MACF1: variants seen among roughly 807,000 people sequenced by gnomAD.
MACF1 encodes the protein microtubule-actin cross-linking factor 1.
MACF1 carries 193 observed loss-of-function variants against 854.8 expected under a neutral mutation model. That is an observed-to-expected ratio of 0.23 (90% CI 0.20 to 0.25). The LOEUF is 0.25. Among genes scored for constraint, MACF1 ranks in the 10% least tolerant of loss-of-function variants. The probability of loss-of-function intolerance (pLI) is 1.00; values close to 1 mark genes in which losing one functional copy is unlikely to be tolerated. For missense variants in MACF1, 7,722 were observed against 8,929.1 expected (o/e 0.86, Z 5.45); for synonymous variants, 3,185 against 3,226.7 (o/e 0.99, Z 0.44).
At chr1:39,209,112 T>C (rs1644487430) in intron 1 of MACF1, among the ~76,000 whole-genome samples, 1 of 151,528 alleles carries the variant, frequency 6.6e-6, no homozygotes, top group Non-Finnish European at 1.5e-5. Context: ...ATTAGCAGGA[T>C]GTAGTGGCAC....
At chr1:39,297,595 G>T in intron 20 of MACF1, 25 bp from the exon 21 acceptor site, 2 of 1,613,740 alleles carry the variant, frequency 1.2e-6, no homozygotes, top group Non-Finnish European at 1.7e-6. Flanking sequence ...TGAGCAGAAG[G>T]CATCCTTACT....
At chr1:39,187,977 TCTCCCCTCCC>T (rs71057197) in intron 2 of MACF1, among the ~76,000 whole-genome samples, 20 of 118,474 alleles carry the variant, frequency 1.7e-4, no homozygotes, top group African/African-American at 6.8e-4. Flanking sequence ...TCTCCCCTCC[TCTCCCCTCCC>T]CTCCCCTCCC....
chr1:39,334,055 G>C lies in MACF1; in HGVS notation c.7467G>C (p.Leu2489Phe), dbSNP rs760729259. The C allele has an allele frequency of 6.2e-7, 1 of 1,614,126 alleles. No individual in the cohort carries two copies. The highest frequency in any genetic ancestry group is 2.2e-5 in the East Asian group (1 of 44,884). The change falls in exon 37 of 101, where the codon TTG (leucine) becomes TTC (phenylalanine). Residue 2489 changes from leucine (L) to phenylalanine (F), a missense_variant. This residue lies in a region of MACF1 where 1,531 missense variants were observed against 1,601.6 expected (regional missense o/e 0.96). Coordinates refer to ENST00000564288, the MANE Select transcript of MACF1 (RefSeq NM_001394062.1). ...TVVQSIDRGL[L>F]EREEAVRLLT... ...TGCAGTCCATTGACAGAGGTCTTTT[G>C]GAGAGAGAGGAGGCCGTTCGTTTGT...
In MACF1 at chr1:39,353,061, G is replaced by A. The variant is rs2148504838; in HGVS notation, c.11254G>A (p.Asp3752Asn). Residue 3752 changes from aspartate (D) to asparagine (N), a missense_variant, in exon 44 of 101, where the codon GAT (aspartate) becomes AAT (asparagine). Asp to Asn is a conservative substitution (Grantham distance 23, BLOSUM62 1). Around this residue, in one of 15 missense-constraint regions of MACF1, gnomAD observed 2,807 missense variants for 3,235.8 expected, o/e 0.87. Coordinates refer to ENST00000564288, the MANE Select transcript of MACF1 (RefSeq NM_001394062.1). Reference protein sequence around the residue: ...ENKKKIDALLDWVTSVGSSGG... With the variant: ...ENKKKIDALLNWVTSVGSSGG... ...CAAGAAGAAGATCGATGCTCTCCTG[G>A]ATTGGGTAACTTCAGTAGGATCATC... 6.2e-7 allele frequency: 1 copy of A among 1,614,102 alleles called. No homozygotes were observed. The highest frequency in any genetic ancestry group is 1.1e-5 in the South Asian group (1 of 91,080).
intron 52 of MACF1, among the ~76,000 whole-genome samples, chr1:39,375,982 CAT>C (rs1295377114): frequency 6.6e-6 from 1 of 152,202 alleles, no homozygotes; most frequent in Non-Finnish European, 1.5e-5. Context: ...ATGTATTACA[CAT>C]GTGCTATAGA....
intron 2 of MACF1, among the ~76,000 whole-genome samples, chr1:39,118,679 G>A (rs1294286445): frequency 6.6e-6 from 1 of 152,230 alleles, no homozygotes; most frequent in Admixed American, 6.5e-5. Flanking sequence ...GCATGAGTAT[G>A]TGGTCGTGAA....
chr1:39,331,402 A>G lies in MACF1; in HGVS notation c.4814A>G (p.Asn1605Ser). The G allele has an allele frequency of 1.9e-6, 3 of 1,613,914 alleles. No homozygotes were observed. The highest frequency in any genetic ancestry group is 1.7e-6 in the Non-Finnish European group (2 of 1,179,964). Residue 1605 changes from asparagine to serine, a missense_variant, in exon 37 of 101, where the codon AAT becomes AGT. Coordinates refer to ENST00000564288, the MANE Select transcript of MACF1 (RefSeq NM_001394062.1). ...LEEGIARNLI[N>S]PQMYQQLREL... The stretch of plus-strand genomic sequence containing the variant: ...GAGGGCATAGCCAGAAACCTCATTA[A>G]TCCCCAGATGTACCAGCAGCTCCGG...
rs551964737 is a variant in MACF1, at chr1:39,486,190, G to C, written c.*396G>C. ...TAAACTTGACTTGCTATCTCAGCAA[G>C]ATAAATTATATTAAAAAAATAAGAA... is the stretch of plus-strand genomic sequence containing the variant. On this transcript the variant is annotated 3_prime_UTR_variant, in exon 101 of 101. Transcript: ENST00000564288. 1 of 154,840 alleles carries C rather than the reference G, an allele frequency of 6.5e-6. No individual in the cohort carries two copies. The highest frequency in any genetic ancestry group is 6.5e-5 in the Admixed American group (1 of 15,350). The allele number at this position is 154,840 out of a possible 1,614,324, so 9.6% of individuals were successfully genotyped here.
At chr1:39,313,546 C>A (rs967513664) in intron 26 of MACF1, among the ~76,000 whole-genome samples, 1 of 151,788 alleles carries the variant, frequency 6.6e-6, no homozygotes, top group Non-Finnish European at 1.5e-5. Flanking sequence ...TCCTTCTCTC[C>A]CTCCCTCCCT....
intron 97 of MACF1, among the ~76,000 whole-genome samples, chr1:39,477,075 A>AGACACTTAGTG: frequency 1.9e-5 from 1 of 51,308 alleles, no homozygotes; most frequent in Non-Finnish European, 3.3e-5. Flanking sequence ...ATATATATAT[A>AGACACTTAGTG]TATATATATA....
At chr1:39,135,663 C>T (rs1247230312) in intron 2 of MACF1, among the ~76,000 whole-genome samples, 2 of 152,130 alleles carry the variant, frequency 1.3e-5, no homozygotes. Context: ...CTGGGTTTTG[C>T]TTGCAAGACC....
At position 39,261,018 on chromosome 1, in the gene MACF1, T is replaced by C. The variant is rs115750470; in HGVS notation, c.528+2990T>C. Among the ~76,000 whole-genome samples, 617 of 152,304 alleles carry C rather than the reference T, an allele frequency of 4.1e-3. 3 individuals carry two copies. The highest frequency in any genetic ancestry group is 0.014 in the African/African-American group (596 of 41,578). ...GAAGTCACTTGAAATAATTTCTCTCTATTGTTGTTAAGCCACAAATTCAAT... is the reference window on the plus strand; with the variant it reads ...GAAGTCACTTGAAATAATTTCTCTCCATTGTTGTTAAGCCACAAATTCAAT... On this transcript the variant is annotated intron_variant, in intron 6 of 100. Transcript: ENST00000564288.
rs147517281 is a variant in MACF1, at chr1:39,171,203, T to TTGTGTGTGTGTG, written c.221-59965_221-59954dup. On this transcript the variant is annotated intron_variant, in intron 2 of 93. Transcript: ENST00000361689. ...TTTTACATAATTGTAATCTTTCTGT[T>TTGTGTGTGTGTG]TGTGTGTGTGTGTGTGTGTGTGTGT... 4.1e-5 allele frequency among the ~76,000 whole-genome samples: 6 copies of TTGTGTGTGTGTG among 146,328 alleles called. No homozygotes were observed. The East Asian group carries it at 6.0e-4, about 15-fold the overall frequency.
intron 2 of MACF1, among the ~76,000 whole-genome samples, chr1:39,245,176 T>C (rs1254328819): frequency 6.6e-6 from 1 of 152,246 alleles, no homozygotes; most frequent in East Asian, 1.9e-4. Context: ...GGCCTTGGTG[T>C]GAAATTAACT....
chr1:39,317,307 C>T lies in MACF1; in HGVS notation c.3682C>T (p.Arg1228Cys), dbSNP rs769541831. Residue 1228 changes from arginine (R) to cysteine (C), a missense_variant, in exon 29 of 101, where the codon CGT becomes TGT. By Grantham distance (180) the Arg-to-Cys change is radical. This residue lies in a region of MACF1 where 1,137 missense variants were observed against 1,263.0 expected (regional missense o/e 0.90). Transcript: ENST00000564288. ...KAKVVAEQMS[R>C]LTPERNLDLE... ...CAAGGTAGTGGCAGAGCAGATGAGT[C>T]GTCTGACACCAGAGCGAAATCTGGA... The T allele has an allele frequency of 6.8e-6, 11 of 1,614,036 alleles. No individual in the cohort carries two copies. The highest frequency in any genetic ancestry group is 1.1e-5 in the South Asian group (1 of 91,070).
intron 58 of MACF1, among the ~76,000 whole-genome samples, chr1:39,417,323 A>C (rs192552402): frequency 6.6e-6 from 1 of 151,966 alleles, no homozygotes; most frequent in African/African-American, 2.4e-5. Context: ...CTTCAGTCTT[A>C]ATCCCAGCCA....
At chr1:39,098,314 A>C (rs1322580945) in intron 2 of MACF1, among the ~76,000 whole-genome samples, 1 of 152,246 alleles carries the variant, frequency 6.6e-6, no homozygotes. Flanking sequence ...GATGTGCTAC[A>C]GCAGAGGAAG....
intron 6 of MACF1, among the ~76,000 whole-genome samples, chr1:39,263,221 A>G (rs1256974695): frequency 5.9e-5 from 9 of 152,284 alleles, no homozygotes; most frequent in Admixed American, 5.2e-4. Context: ...ACCTGTAGAC[A>G]TGGATGGTAG....
rs1373533752 is a variant in MACF1 at position 39,300,129 on chromosome 1, G to A, written c.2482-81G>A. 4.3e-6 allele frequency: 6 copies of A among 1,387,034 alleles called. 1 individual carries two copies. Among genetic ancestry groups the A allele is most frequent in the African/African-American group, 1.4e-5 (1 of 69,614 alleles). 85.9% of individuals were successfully genotyped at this position (1,387,034 alleles called of 1,614,324 possible). ...GAGAGATGACATTCTCTGAGGGAGT[G>A]GAGTATTCAGTTTTCTTTGTTGACT... is the stretch of plus-strand genomic sequence containing the variant. On this transcript the variant is annotated intron_variant, in intron 21 of 100. Coordinates refer to ENST00000564288, the MANE Select transcript of MACF1 (RefSeq NM_001394062.1).
Sources: allele counts gnomAD v4.1 joint callset (sites outside exome capture counted in the v4.1 genomes callset), GRCh38; gene constraint gnomAD v4.1.1; regional missense constraint gnomAD v4.1.1; transcripts MANE v1.5; gene names NCBI Gene and HGNC (gene_info 2026-07-23, HGNC 2026-07-21).